The following CPA6 variants were observed in gnomAD, a reference collection of about 807,000 sequenced individuals.
CPA6 encodes carboxypeptidase B.
In CPA6, 58 loss-of-function variants were observed where a neutral mutation model predicts 63.3. The ratio of observed to expected loss-of-function variants is 0.92; its 90% CI spans 0.74 to 1.14. The LOEUF is 1.14. CPA6 is among the 50% of genes most tolerant of loss of function. CPA6 has a pLI of 0.00. For missense variants in CPA6, 565 were observed against 526.6 expected (o/e 1.07, Z -0.71); for synonymous variants, 185 against 179.0 (o/e 1.03, Z -0.27).
Position 67,644,163 on chromosome 8 carries a change from G to A in CPA6, c.117-19912C>T, listed in dbSNP as rs1440565331. 2.0e-5 allele frequency among the ~76,000 whole-genome samples: 3 copies of A among 150,898 alleles called. No individual in the cohort carries two copies. The East Asian group carries it at 5.8e-4, about 29-fold the overall frequency. On this transcript the variant is annotated intron_variant, in intron 1 of 10. Coordinates refer to ENST00000297770, the MANE Select transcript of CPA6 (RefSeq NM_020361.5). Reference sequence around the variant, plus strand: ...AGACAGAGTCTCGCTCTGTCGCCCAGGCTGGAGTGCAGTGGCGCCATTTCG... The same window carrying A: ...AGACAGAGTCTCGCTCTGTCGCCCAAGCTGGAGTGCAGTGGCGCCATTTCG...
intron 8 of CPA6, among the ~76,000 whole-genome samples, chr8:67,475,276 TGAG>T (rs1207544795): frequency 4.6e-5 from 7 of 152,174 alleles, no homozygotes; most frequent in Admixed American, 4.6e-4. Context: ...TACACTATGA[TGAG>T]GATAAAAGGC....
At chr8:67,478,209 C>T (rs11779486) in intron 8 of CPA6, among the ~76,000 whole-genome samples, 67,755 of 151,734 alleles carry the variant, frequency 0.45, 16,442 homozygotes, top group African/African-American at 0.67. Flanking sequence ...CCGAGAGCTC[C>T]GGATAGCTGG....
chr8:67,430,695 C>T (rs994594086), intron 9 of CPA6, among the ~76,000 whole-genome samples: 12 of 152,060 alleles, frequency 7.9e-5, no homozygotes, highest in South Asian at 2.1e-4. Flanking sequence ...ACATCTTAGA[C>T]GGAATAATTC....
intron 1 of CPA6, among the ~76,000 whole-genome samples, chr8:67,655,063 A>G (rs1643341618): frequency 6.6e-6 from 1 of 152,176 alleles, no homozygotes; most frequent in African/African-American, 2.4e-5. Context: ...GTTACACAAT[A>G]AAAGAGAATT....
At chr8:67,627,556 A>G (rs1451350270) in intron 1 of CPA6, among the ~76,000 whole-genome samples, 1 of 152,218 alleles carries the variant, frequency 6.6e-6, no homozygotes, top group Non-Finnish European at 1.5e-5. Context: ...TGAGGTTAGA[A>G]AGACTACTGG....
rs1316354998 is a variant in CPA6, at chr8:67,444,850, G to A, written c.839-10610C>T. Among the ~76,000 whole-genome samples the A allele has an allele frequency of 3.9e-5, 6 of 152,186 alleles. No individual in the cohort carries two copies. The East Asian group carries it at 1.2e-3, about 29-fold the overall frequency. ...TGGGGAATATCAGTATTTAAAAGAG[G>A]CAAGGAGTATAACAGGACTCTGTCA... On this transcript the variant is annotated intron_variant, in intron 8 of 10. Coordinates refer to ENST00000297770, the MANE Select transcript of CPA6 (RefSeq NM_020361.5).
chr8:67,522,102 C>T (rs1240830912), intron 2 of CPA6, among the ~76,000 whole-genome samples: 3 of 152,136 alleles, frequency 2.0e-5, no homozygotes, highest in Admixed American at 2.0e-4. Context: ...GCTGTCAGTT[C>T]TGGGTGGAGT....
intron 8 of CPA6, among the ~76,000 whole-genome samples, chr8:67,450,668 C>T (rs1024732939): frequency 1.2e-4 from 19 of 152,200 alleles, no homozygotes; most frequent in South Asian, 2.1e-4. Flanking sequence ...CGGGTGAAGA[C>T]GTGAGTGGTG....
At chr8:67,497,968 T>C (rs1406783693) in intron 6 of CPA6, among the ~76,000 whole-genome samples, 1 of 152,104 alleles carries the variant, frequency 6.6e-6, no homozygotes, top group Non-Finnish European at 1.5e-5. Flanking sequence ...CCTCTATTTT[T>C]AAATTTAATT....
At chr8:67,683,845 GAGA>G (rs1816649666) in intron 1 of CPA6, among the ~76,000 whole-genome samples, 1 of 151,406 alleles carries the variant, frequency 6.6e-6, no homozygotes, top group African/African-American at 2.4e-5. Context: ...GGGGGGAGGG[GAGA>G]AGGTCTTGCT....
intron 1 of CPA6, among the ~76,000 whole-genome samples, chr8:67,681,200 C>CTTTTATTTTTTTTTTTTTTTTTTTTTTT (rs1816586426): frequency 1.1e-5 from 1 of 89,896 alleles, no homozygotes; most frequent in Non-Finnish European, 2.0e-5. Flanking sequence ...CAAAGATTTT[C>CTTTTATTTTTTTTTTTTTTTTTTTTTTT]TTTTTTTTTT....
chr8:67,475,881 CCTTTCTTTCTTTCTTTCTTTCTTT>C (rs763576613), intron 8 of CPA6, among the ~76,000 whole-genome samples: 13 of 43,096 alleles, frequency 3.0e-4, no homozygotes, highest in African/African-American at 1.2e-3. Context: ...CTTTCTTTCT[CCTTTCTTTCTTTCTTTCTTTCTTT>C]CTTTCTTTCT....
At chr8:67,422,741 A>G (rs1306895115) in intron 10 of CPA6, 50 bp from the exon 11 acceptor site, 1 of 1,424,376 alleles carries the variant, frequency 7.0e-7, no homozygotes, top group Admixed American at 2.1e-5. Flanking sequence ...AAGAGTCAGT[A>G]TAATTTTCTA....
intron 1 of CPA6, among the ~76,000 whole-genome samples, chr8:67,689,667 A>T (rs1044727792): frequency 6.6e-6 from 1 of 152,144 alleles, no homozygotes; most frequent in Non-Finnish European, 1.5e-5. Flanking sequence ...TCTTTATCCA[A>T]TCCACTGTTA....
intron 1 of CPA6, among the ~76,000 whole-genome samples, chr8:67,728,537 G>A (rs2129002712): frequency 6.6e-6 from 1 of 152,234 alleles, no homozygotes; most frequent in South Asian, 2.1e-4. Flanking sequence ...AGTTTTGATA[G>A]ACTAAATAAA....
chr8:67,461,606 C>A (rs187779017), intron 8 of CPA6, among the ~76,000 whole-genome samples: 10,029 of 152,292 alleles, frequency 0.066, 747 homozygotes, highest in African/African-American at 0.18. Context: ...GGTGGCCAGG[C>A]AGAGGGTCTC....
chr8:67,663,215 C>G (rs1024155327), intron 1 of CPA6, among the ~76,000 whole-genome samples: 10 of 152,180 alleles, frequency 6.6e-5, no homozygotes, highest in African/African-American at 2.2e-4. Flanking sequence ...GAAATAACAA[C>G]TGAAAACCAG....
intron 1 of CPA6, among the ~76,000 whole-genome samples, chr8:67,683,893 T>C (rs889032872): frequency 1.3e-5 from 2 of 150,594 alleles, no homozygotes; most frequent in African/African-American, 4.9e-5. Context: ...GGTGCCATCA[T>C]GGCTCACTGT....
At chr8:67,669,664 CTATCACTG>C (rs778097158) in intron 1 of CPA6, among the ~76,000 whole-genome samples, 16 of 152,214 alleles carry the variant, frequency 1.1e-4, no homozygotes, top group Non-Finnish European at 2.2e-4. Flanking sequence ...CTATACTTTC[CTATCACTG>C]TGTTACAGTA....
Sources: gnomAD v4.1 joint callset for allele counts (sites outside exome capture counted in the v4.1 genomes callset) on GRCh38, gnomAD v4.1.1 for gene constraint, MANE v1.5 for transcripts, NCBI Gene and HGNC (gene_info 2026-07-23, HGNC 2026-07-21) for gene names.